The following STRIP1 variants were observed in gnomAD, a reference collection of about 807,000 sequenced individuals.
STRIP1 encodes striatin-interacting protein 1.
STRIP1 carries 63 observed loss-of-function variants against 106.2 expected under a neutral mutation model. The ratio of observed to expected loss-of-function variants is 0.59; its 90% CI spans 0.48 to 0.73. The LOEUF is 0.73. Ranked by LOEUF, STRIP1 falls within the 30% of genes least tolerant of loss-of-function variation. STRIP1 has a pLI of 0.00. For missense variants in STRIP1, 857 were observed against 1,074.8 expected (o/e 0.80, Z 2.83); for synonymous variants, 390 against 413.0 (o/e 0.94, Z 0.67).
rs1285422506 is a variant in STRIP1, at chr1:110,039,034, G to A, written c.326-138G>A. 3 of 990,798 alleles carry A rather than the reference G, an allele frequency of 3.0e-6. No homozygotes were observed. In the African/African-American group the frequency reaches 4.9e-5, roughly 16 times the overall value. The allele number at this position is 990,798 out of a possible 1,614,324, so 61.4% of individuals were successfully genotyped here. A position where few individuals can be genotyped will look rare whatever the true frequency, so the allele number is the denominator to read the frequency against. On this transcript the variant is annotated intron_variant, in intron 3 of 20. Transcript: ENST00000369795. ...TTGGAATCAAATTCATAGAGCAGCAGTATGATCTTACCACTTACATAGGGT... is the reference window on the plus strand; with the variant it reads ...TTGGAATCAAATTCATAGAGCAGCAATATGATCTTACCACTTACATAGGGT...
In STRIP1 at chr1:110,040,630, T is replaced by C. The variant is rs1652714117; in HGVS notation, c.582-5T>C. On this transcript the variant is annotated splice_region_variant and splice_polypyrimidine_tract_variant and intron_variant, in intron 5 of 20. Coordinates refer to ENST00000369795, the MANE Select transcript of STRIP1 (RefSeq NM_033088.4). The stretch of plus-strand genomic sequence containing the variant: ...GAAGATGCTGACTCTCAAAATCTCC[T>C]GCAGCAACAGTGCCGCCTGCAGCAG... 6.2e-7 allele frequency: 1 copy of C among 1,610,016 alleles called. No homozygotes were observed. The highest frequency in any genetic ancestry group is 8.5e-7 in the Non-Finnish European group (1 of 1,178,038).
chr1:110,052,690 G>A (rs771768953), intron 20 of STRIP1, among the ~76,000 whole-genome samples: 4 of 151,982 alleles, frequency 2.6e-5, no homozygotes, highest in Non-Finnish European at 5.9e-5. Flanking sequence ...GGCTGGCCTC[G>A]AGTTCCTGGC....
At chr1:110,038,798 A>T in intron 3 of STRIP1, 41 bp downstream of exon 3, 1 of 1,575,840 alleles carries the variant, frequency 6.3e-7, no homozygotes, top group South Asian at 1.1e-5. Context: ...TTTGCCCTGC[A>T]TAACGAGAGC....
intron 1 of STRIP1, among the ~76,000 whole-genome samples, chr1:110,035,622 T>C (rs1652415919): frequency 6.6e-6 from 1 of 152,140 alleles, no homozygotes; most frequent in Admixed American, 6.5e-5. Flanking sequence ...AATTCATGAA[T>C]GAAGATACTC....
rs1653110543 is a variant in STRIP1 at position 110,047,951 on chromosome 1, T to G, written c.1661+82T>G. The G allele has an allele frequency of 1.5e-5, 18 of 1,215,064 alleles. No homozygotes were observed. In the South Asian group the frequency reaches 1.7e-4, roughly 11 times the overall value. 75.3% of individuals were successfully genotyped at this position (1,215,064 alleles called of 1,614,324 possible). A position where few individuals can be genotyped will look rare whatever the true frequency, so the allele number is the denominator to read the frequency against. On this transcript the variant is annotated intron_variant, in intron 15 of 20. Transcript: ENST00000369795. The stretch of plus-strand genomic sequence containing the variant: ...AACATTTTCCTCTTGTCAGGTTGGT[T>G]GTTGTTGGCCCAGCTCTACAGGTTA...
chr1:110,034,836 C>A lies in STRIP1; in HGVS notation c.180+19C>A. ...CTCAGAGGTCAGGAGCTTCGGGGGG[C>A]GAGGCTCGCACCGGGTCGGGCGGCG... On this transcript the variant is annotated intron_variant, in intron 1 of 20. Transcript: ENST00000369795. 1 of 1,374,378 alleles carries A rather than the reference C, an allele frequency of 7.3e-7. No individual in the cohort carries two copies. Among genetic ancestry groups the A allele is most frequent in the African/African-American group, 1.5e-5 (1 of 65,056 alleles). The allele number at this position is 1,374,378 out of a possible 1,614,324, so 85.1% of individuals were successfully genotyped here.
upstream of STRIP1, among the ~76,000 whole-genome samples, chr1:110,032,438 C>G (rs186767901): frequency 6.6e-6 from 1 of 152,142 alleles, no homozygotes; most frequent in South Asian, 2.1e-4. Flanking sequence ...ATATGTAAAG[C>G]TGGAGAGACA....
chr1:110,050,355 G>A lies in STRIP1; in HGVS notation c.1902G>A (p.Leu634=). 1.2e-6 allele frequency: 2 copies of A among 1,614,158 alleles called. No homozygotes were observed. The highest frequency in any genetic ancestry group is 2.2e-5 in the South Asian group (2 of 91,080). Residue 634 remains leucine (L), a synonymous_variant, in exon 18 of 21, where the codon CTG becomes CTA. Transcript: ENST00000369795. ...CTCCCCTCTGCAGCATTTCTGTCCT[G>A]GATTACCCTCACTGCGTGGTGCATG... is the stretch of plus-strand genomic sequence containing the variant. ...YITAKNSISV[L]DYPHCVVHEL... is the part of the protein sequence containing the mutation.
chr1:110,050,451 G>T, intron 18 of STRIP1, 42 bp downstream of exon 18: 1 of 1,586,396 alleles, frequency 6.3e-7, no homozygotes, highest in Non-Finnish European at 8.7e-7. Flanking sequence ...TTGGCACCAG[G>T]GTCAGTGGGT....
chr1:110,052,660 G>C (rs1377248976), intron 20 of STRIP1, among the ~76,000 whole-genome samples: 1 of 151,954 alleles, frequency 6.6e-6, no homozygotes, highest in African/African-American at 2.4e-5. Flanking sequence ...TGTAGAGATG[G>C]GGTTTCACTG....
chr1:110,048,090 G>C (rs1653118101), intron 15 of STRIP1: 1 of 526,288 alleles, frequency 1.9e-6, no homozygotes, highest in East Asian at 3.3e-5. Flanking sequence ...CTACCACTGA[G>C]CAAACTCCTG....
chr1:110,049,181 C>G lies in STRIP1; in HGVS notation c.1731C>G (p.Ala577=), dbSNP rs758522983. 10 of 1,614,166 alleles carry G rather than the reference C, an allele frequency of 6.2e-6. No individual in the cohort carries two copies. The highest frequency in any genetic ancestry group is 1.6e-4 in the Middle Eastern group (1 of 6,062). The change falls in exon 16 of 21, where the codon GCC becomes GCG. Residue 577 remains alanine (A), a synonymous_variant. Transcript: ENST00000369795. ...VNRHKEVIVK[A]ISAVLLLLLK... ...GCCACAAAGAGGTCATTGTTAAGGCCATTTCTGCTGTCCTGCTGCTGCTGC... is the reference window on the plus strand; with the variant it reads ...GCCACAAAGAGGTCATTGTTAAGGCGATTTCTGCTGTCCTGCTGCTGCTGC...
chr1:110,048,012 C>T (rs561012367), intron 15 of STRIP1, 143 bp downstream of exon 15: 16 of 697,400 alleles, frequency 2.3e-5, no homozygotes, highest in African/African-American at 1.6e-4. Flanking sequence ...AAGGAAACTA[C>T]GAGATTAAAG....
In STRIP1 at chr1:110,053,724, G is replaced by A; in HGVS notation, c.2326G>A (p.Glu776Lys). The A allele has an allele frequency of 6.2e-7, 1 of 1,614,060 alleles. No homozygotes were observed. Residue 776 changes from glutamate (E) to lysine (K), a missense_variant, in exon 21 of 21, where the codon GAA (glutamate) becomes AAA (lysine). Around this residue, in one of 2 missense-constraint regions of STRIP1, gnomAD observed 750 missense variants for 989.8 expected, o/e 0.76. Coordinates refer to ENST00000369795, the MANE Select transcript of STRIP1 (RefSeq NM_033088.4). ...GGAGTGTGCCCTTCGTGCCAACATT[G>A]AACGCTTCAACGCCCGGCGCTATGA... ...AEECALRANI[E>K]RFNARRYDRA...
In STRIP1 at chr1:110,041,656, G is replaced by T. The variant is rs1652767167; in HGVS notation, c.757+14G>T. ...GAGCCGAGCTGGGTAGGACCCTGGG[G>T]ATCCTCTCTAGAGGCCCTGCCTGGA... is the stretch of plus-strand genomic sequence containing the variant. On this transcript the variant is annotated intron_variant, in intron 7 of 20. Coordinates refer to ENST00000369795, the MANE Select transcript of STRIP1 (RefSeq NM_033088.4). 6.2e-7 allele frequency: 1 copy of T among 1,614,024 alleles called. No homozygotes were observed. The highest frequency in any genetic ancestry group is 1.3e-5 in the African/African-American group (1 of 74,908).
In STRIP1 at chr1:110,049,535, ATG is replaced by A. The variant is rs1337704399; in HGVS notation, c.1866_1867del (p.Met622IlefsTer21). ...CCTAAAGTTCTTCAATCAAAACATCATGTCCTACATCACTGCCAAGAACAGGT... is the reference window on the plus strand; with the variant it reads ...CCTAAAGTTCTTCAATCAAAACATCATCCTACATCACTGCCAAGAACAGGT... ...LILKFFNQNI[M>X]SYITAKNSIS... On this transcript the variant is annotated frameshift_variant, in exon 17 of 21. Coordinates refer to ENST00000369795, the MANE Select transcript of STRIP1 (RefSeq NM_033088.4). LOFTEE classifies it high-confidence loss of function. 1 of 1,612,228 alleles carries A rather than the reference ATG, an allele frequency of 6.2e-7. No homozygotes were observed. The highest frequency in any genetic ancestry group is 8.5e-7 in the Non-Finnish European group (1 of 1,179,458).
chr1:110,045,983 C>A (rs1234684950), intron 12 of STRIP1, among the ~76,000 whole-genome samples: 1 of 152,186 alleles, frequency 6.6e-6, no homozygotes, highest in African/African-American at 2.4e-5. Flanking sequence ...CCCCTAACAG[C>A]TATCTGGAGT....
At chr1:110,038,645 G>C (rs201134109) in intron 2 of STRIP1, 38 bp from the exon 3 acceptor site, 1 of 1,580,794 alleles carries the variant, frequency 6.3e-7, no homozygotes, top group African/African-American at 1.3e-5. Flanking sequence ...GTGCAATGCA[G>C]ACATGGAACC....
At chr1:110,048,975 C>T (rs1653160553) in intron 15 of STRIP1, 137 bp from the exon 16 acceptor site, 1 of 994,324 alleles carries the variant, frequency 1.0e-6, no homozygotes, top group South Asian at 1.6e-5. Flanking sequence ...CCTCGGCTGA[C>T]TTCTGAGATG....
Sources: gnomAD v4.1 joint callset for allele counts (sites outside exome capture counted in the v4.1 genomes callset) on GRCh38, gnomAD v4.1.1 for gene constraint, gnomAD v4.1.1 regional missense constraint, MANE v1.5 for transcripts, NCBI Gene and HGNC (gene_info 2026-07-23, HGNC 2026-07-21) for gene names.